RDH12: variants seen among roughly 807,000 people sequenced by gnomAD.
RDH12 encodes the protein retinol dehydrogenase 12.
A neutral mutation model predicts 34.0 loss-of-function variants in RDH12; 21 were observed. That is an observed-to-expected ratio of 0.62 (90% confidence interval 0.44 to 0.89). RDH12 has a LOEUF of 0.89. Ranked by LOEUF, RDH12 falls within the 40% of genes least tolerant of loss-of-function variation. The probability of loss-of-function intolerance (pLI) is 0.00; values close to 1 mark genes in which losing one functional copy is unlikely to be tolerated. For synonymous variants in RDH12, 198 were observed against 169.9 expected, an observed-to-expected ratio of 1.17 and a Z score of -1.29; for missense variants, 394 against 398.6, an observed-to-expected ratio of 0.99 and a Z score of 0.10.
At chr14:67,711,660 C>A (rs1222964589) in intron 1 of RDH12, among the ~76,000 whole-genome samples, 2 of 152,060 alleles carry the variant, frequency 1.3e-5, no homozygotes, top group Non-Finnish European at 2.9e-5. Flanking sequence ...GACCTTTTTT[C>A]TTTCCTATCT....
At chr14:67,717,666 G>A (rs2038082075) in intron 1 of RDH12, 1 of 152,260 alleles carries the variant, frequency 6.6e-6, no homozygotes, top group African/African-American at 2.4e-5. Context: ...TTGTCACAAG[G>A]GGATAGTAGT....
intron 8 of RDH12, 60 bp from the exon 9 acceptor site, chr14:67,733,685 TA>T: frequency 8.9e-7 from 1 of 1,124,912 alleles, no homozygotes; most frequent in Non-Finnish European, 1.4e-6. Flanking sequence ...AAAGGGACCA[TA>T]AAGATTTCCA....
In RDH12 at chr14:67,724,530, G is replaced by A. The variant is rs772940917; in HGVS notation, c.126G>A (p.Val42=). ...ATGTGCAGCTTCCTGGCAAGGTAGTGGTGATCACTGGCGCCAACACGGGCA... is the reference window on the plus strand; with the variant it reads ...ATGTGCAGCTTCCTGGCAAGGTAGTAGTGATCACTGGCGCCAACACGGGCA... ...RTNVQLPGKV[V]VITGANTGIG... Residue 42 remains valine (V), a synonymous_variant, in exon 4 of 9, where the codon GTG becomes GTA. Transcript: ENST00000551171. 6.2e-7 allele frequency: 1 copy of A among 1,613,908 alleles called. No individual in the cohort carries two copies. The highest frequency in any genetic ancestry group is 8.5e-7 in the Non-Finnish European group (1 of 1,179,888).
chr14:67,722,753 C>A, intron 3 of RDH12, 43 bp downstream of exon 3: 2 of 1,502,498 alleles, frequency 1.3e-6, no homozygotes, highest in Non-Finnish European at 1.9e-6. Context: ...TTACAAAGAC[C>A]TGCACTGGAA....
intron 1 of RDH12, among the ~76,000 whole-genome samples, chr14:67,707,702 G>A (rs1434683111): frequency 6.6e-6 from 1 of 152,186 alleles, no homozygotes; most frequent in East Asian, 1.9e-4. Flanking sequence ...ACTGTGTTCT[G>A]TAGAAAGAAT....
At chr14:67,727,618 G>T in intron 7 of RDH12, 1 of 225,998 alleles carries the variant, frequency 4.4e-6, no homozygotes, top group Non-Finnish European at 8.9e-6. Context: ...GAGTAGTTGG[G>T]ATTACAAGCA....
At chr14:67,711,699 T>TC (rs1335522293) in intron 1 of RDH12, among the ~76,000 whole-genome samples, 1 of 152,186 alleles carries the variant, frequency 6.6e-6, no homozygotes, top group Admixed American at 6.5e-5. Context: ...ATAACCTGTT[T>TC]CACAACACTA....
chr14:67,730,030 G>A (rs1276385661), intron 8 of RDH12, among the ~76,000 whole-genome samples: 1 of 152,226 alleles, frequency 6.6e-6, no homozygotes, highest in Non-Finnish European at 1.5e-5. Flanking sequence ...TAGTCTTAGT[G>A]TCTGATGAGA....
chr14:67,733,944 A>C lies in RDH12; in HGVS notation c.*96A>C. On this transcript the variant is annotated 3_prime_UTR_variant, in exon 9 of 9. Transcript: ENST00000551171. The stretch of plus-strand genomic sequence containing the variant: ...ACCCTAAAGGATTGTCCTCTTGGCC[A>C]GCTGGTGCTGCGAATCCTGCCTGCT... The C allele has an allele frequency of 1.1e-6, 1 of 896,374 alleles. No individual in the cohort carries two copies. Among genetic ancestry groups the C allele is most frequent in the South Asian group, 1.4e-5 (1 of 72,616 alleles). The allele number at this position is 896,374 out of a possible 1,614,324, so 55.5% of individuals were successfully genotyped here. A position where few individuals can be genotyped will look rare whatever the true frequency, so the allele number is the denominator to read the frequency against.
chr14:67,704,349 T>A (rs1215692863), intron 1 of RDH12, among the ~76,000 whole-genome samples: 2 of 152,206 alleles, frequency 1.3e-5, no homozygotes, highest in East Asian at 3.9e-4. Context: ...ATTGAGGCAT[T>A]TTTAAAATAA....
At chr14:67,724,980 T>C in intron 4 of RDH12, 119 bp from the exon 5 acceptor site, 1 of 1,170,730 alleles carries the variant, frequency 8.5e-7, no homozygotes, top group South Asian at 1.2e-5. Flanking sequence ...ATGTTCACTC[T>C]ACCGTTGAAG....
chr14:67,726,884 G>A (rs2038192056), intron 6 of RDH12, 97 bp from the exon 7 acceptor site: 8 of 1,101,994 alleles, frequency 7.3e-6, no homozygotes, highest in Non-Finnish European at 1.1e-5. Flanking sequence ...TTCACACCCA[G>A]AAGATAGTGA....
chr14:67,720,375 TTTTAAG>T (rs1358124193), intron 1 of RDH12, among the ~76,000 whole-genome samples: 2 of 152,230 alleles, frequency 1.3e-5, no homozygotes, highest in African/African-American at 2.4e-5. Flanking sequence ...CATGCTCATT[TTTTAAG>T]TTTTAGTTTT....
chr14:67,707,640 G>C (rs1398040198), intron 1 of RDH12, among the ~76,000 whole-genome samples: 1 of 152,136 alleles, frequency 6.6e-6, no homozygotes, highest in Non-Finnish European at 1.5e-5. Flanking sequence ...TGTTGGCCAG[G>C]CTGGTAAGAA....
intron 1 of RDH12, among the ~76,000 whole-genome samples, chr14:67,703,629 A>C (rs1402209750): frequency 6.6e-6 from 1 of 152,178 alleles, no homozygotes; most frequent in Non-Finnish European, 1.5e-5. Flanking sequence ...TGTGCACAAC[A>C]ATGGGCCATA....
chr14:67,723,898 G>C (rs1444197693), intron 3 of RDH12, among the ~76,000 whole-genome samples: 2 of 152,222 alleles, frequency 1.3e-5, no homozygotes, highest in Non-Finnish European at 2.9e-5. Flanking sequence ...CCATCGGCCA[G>C]AATGAAATCT....
In RDH12 at chr14:67,734,123, G is replaced by C. The variant is rs1040765389; in HGVS notation, c.*275G>C. ...GGCAGCAGGACTGGGCAGATCCCAG[G>C]CTGGGCATGGGGGTGGCAGAAGAGC... On this transcript the variant is annotated 3_prime_UTR_variant, in exon 9 of 9. Coordinates refer to ENST00000551171, the MANE Select transcript of RDH12 (RefSeq NM_152443.3). 16 of 349,628 alleles carry C rather than the reference G, an allele frequency of 4.6e-5. No homozygotes were observed. The highest frequency in any genetic ancestry group is 5.6e-5 in the Non-Finnish European group (10 of 179,054). The allele number at this position is 349,628 out of a possible 1,614,324, so 21.7% of individuals were successfully genotyped here. A position where few individuals can be genotyped will look rare whatever the true frequency, so the allele number is the denominator to read the frequency against.
At chr14:67,724,684 G>C in intron 4 of RDH12, 93 bp downstream of exon 4, 1 of 977,482 alleles carries the variant, frequency 1.0e-6, no homozygotes, top group Non-Finnish European at 1.6e-6. Context: ...TTTCCTCCTA[G>C]GCTTGGGGGC....
chr14:67,702,423 T>TTTTTA (rs931924162), intron 1 of RDH12, among the ~76,000 whole-genome samples: 4 of 152,140 alleles, frequency 2.6e-5, no homozygotes, highest in Non-Finnish European at 5.9e-5. Flanking sequence ...CAATATTAAA[T>TTTTTA]TAGTCTTACT....
Sources: allele counts gnomAD v4.1 joint callset (sites outside exome capture counted in the v4.1 genomes callset), GRCh38; gene constraint gnomAD v4.1.1; transcripts MANE v1.5; gene names NCBI Gene and HGNC (gene_info 2026-07-23, HGNC 2026-07-21).